Variants in EFCAB6 observed in about 807,000 individuals in gnomAD.
EFCAB6 encodes EF-hand calcium-binding domain-containing protein 6.
EFCAB6 carries 156 observed loss-of-function variants against 169.8 expected under a neutral mutation model. The observed-to-expected ratio is 0.92, with a 90% CI of 0.81 to 1.05. The LOEUF (loss-of-function observed/expected upper bound fraction) is 1.05, where lower values mean the gene tolerates loss of function less well. Among genes scored for constraint, EFCAB6 ranks in the 50% least tolerant of loss-of-function variants. The pLI is 0.00. For synonymous variants in EFCAB6, 698 were observed against 676.4 expected (o/e 1.03, Z -0.50); for missense variants, 1,800 against 1,829.1 (o/e 0.98, Z 0.29).
Position 43,615,938 on chromosome 22 carries a change from A to G in EFCAB6, c.2466-16T>C, listed in dbSNP as rs374666693. 6.3e-7 allele frequency: 1 copy of G among 1,599,438 alleles called. No individual in the cohort carries two copies. Among genetic ancestry groups the G allele is most frequent in the Non-Finnish European group, 8.5e-7 (1 of 1,171,866 alleles). ...CTGTTTTGGTCTTAAAAGAAAAAAA[A>G]TAATAAATAACTGTGTTTAAATTTA... On this transcript the variant is annotated splice_polypyrimidine_tract_variant and intron_variant, in intron 20 of 31. Coordinates refer to ENST00000262726, the MANE Select transcript of EFCAB6 (RefSeq NM_022785.4).
intron 22 of EFCAB6, among the ~76,000 whole-genome samples, chr22:43,602,618 G>C (rs7291305): frequency 0.043 from 6,616 of 152,134 alleles, 162 homozygotes; most frequent in African/African-American, 0.067. Flanking sequence ...TGCAACTCTG[G>C]TCAAGACGCC....
intron 2 of EFCAB6, among the ~76,000 whole-genome samples, chr22:43,805,617 A>G (rs1047045087): frequency 5.9e-5 from 9 of 152,212 alleles, no homozygotes; most frequent in African/African-American, 1.7e-4. Flanking sequence ...GATAGAAGAA[A>G]TAACACCTAG....
intron 23 of EFCAB6, among the ~76,000 whole-genome samples, chr22:43,594,242 T>C (rs113767352): frequency 3.9e-5 from 5 of 127,464 alleles, no homozygotes; most frequent in African/African-American, 1.6e-4. Flanking sequence ...ACCATTGCAC[T>C]CCAGCCTGGG....
At chr22:43,593,460 C>T (rs979705775) in intron 23 of EFCAB6, among the ~76,000 whole-genome samples, 2 of 152,200 alleles carry the variant, frequency 1.3e-5, no homozygotes, top group African/African-American at 4.8e-5. Flanking sequence ...GAAGAGAAGA[C>T]ACGAGTGGGT....
At chr22:43,703,817 G>T (rs1351983921) in intron 10 of EFCAB6, among the ~76,000 whole-genome samples, 1 of 151,458 alleles carries the variant, frequency 6.6e-6, no homozygotes, top group East Asian at 1.9e-4. Flanking sequence ...TCCAATCAGA[G>T]GAACAAAAGG....
rs1243866513 is a variant in EFCAB6 at position 43,628,141 on chromosome 22, C to A, written c.2233-1462G>T. 6.6e-6 allele frequency among the ~76,000 whole-genome samples: 1 copy of A among 152,052 alleles called. No homozygotes were observed. Among genetic ancestry groups the A allele is most frequent in the Non-Finnish European group, 1.5e-5 (1 of 68,000 alleles). On this transcript the variant is annotated intron_variant, in intron 19 of 31. Transcript: ENST00000262726. The surrounding 1 kb of genome is among the most constrained non-coding windows in gnomAD (Gnocchi z 4.8). The stretch of plus-strand genomic sequence containing the variant: ...TCTGGGGGCATTTTCTCTGGGATGT[C>A]AAACTGAACATGGCCCAAATCAAAC...
chr22:43,581,747 CCA>C (rs2050741561), intron 24 of EFCAB6, among the ~76,000 whole-genome samples: 1 of 152,164 alleles, frequency 6.6e-6, no homozygotes, highest in Admixed American at 6.5e-5. Flanking sequence ...AGAAGATGAG[CCA>C]AGAGCTGAGC....
rs2049985214 is a variant in EFCAB6 at position 43,572,940 on chromosome 22, T to A, written c.3420+3357A>T. 6.6e-6 allele frequency among the ~76,000 whole-genome samples: 1 copy of A among 152,192 alleles called. No individual in the cohort carries two copies. Among genetic ancestry groups the A allele is most frequent in the Non-Finnish European group, 1.5e-5 (1 of 68,040 alleles). On this transcript the variant is annotated intron_variant, in intron 26 of 31. Transcript: ENST00000262726. This position sits in a 1 kb window ranked among gnomAD's most constrained non-coding sequence, Gnocchi z 4.0. Reference sequence around the variant, plus strand: ...ACCCACACGATGGAATGGCACATGCTAGATGGAATCCATGCTTTAGAGGAA... The same window carrying A: ...ACCCACACGATGGAATGGCACATGCAAGATGGAATCCATGCTTTAGAGGAA...
rs760331835 is a variant in EFCAB6, at chr22:43,711,602, C to T, written c.904G>A (p.Val302Ile). The T allele has an allele frequency of 4.4e-6, 7 of 1,585,668 alleles. No individual in the cohort carries two copies. Among genetic ancestry groups the T allele is most frequent in the Non-Finnish European group, 6.0e-6 (7 of 1,173,102 alleles). The change falls in exon 10 of 32, where the codon GTT becomes ATT. Residue 302 changes from valine (V) to isoleucine (I), a missense_variant. Coordinates refer to ENST00000262726, the MANE Select transcript of EFCAB6 (RefSeq NM_022785.4). ...CLQLSKSYEKVEKALSAGDPC... is the reference protein window; with the variant it reads ...CLQLSKSYEKIEKALSAGDPC... ...TCCCCTGCACTGAGGGCCTTTTCAACCTTTTCATAAGACTTCGAAAGCTGC... is the reference window on the plus strand; with the variant it reads ...TCCCCTGCACTGAGGGCCTTTTCAATCTTTTCATAAGACTTCGAAAGCTGC...
intron 10 of EFCAB6, among the ~76,000 whole-genome samples, chr22:43,704,286 A>T (rs2058873598): frequency 6.6e-6 from 1 of 152,164 alleles, no homozygotes; most frequent in South Asian, 2.1e-4. Context: ...TTCAGAGATG[A>T]TTGAGAAATA....
intron 21 of EFCAB6, among the ~76,000 whole-genome samples, chr22:43,613,519 C>A (rs950360924): frequency 2.6e-5 from 4 of 151,972 alleles, no homozygotes; most frequent in African/African-American, 9.7e-5. Flanking sequence ...AACAGAAAAC[C>A]AAATTCTGCA....
Position 43,530,918 on chromosome 22 carries a change from CGCAGCA to C in EFCAB6, c.4274_4279del (p.Leu1425_Leu1426del). 1 of 1,614,196 alleles carries C rather than the reference CGCAGCA, an allele frequency of 6.2e-7. No individual in the cohort carries two copies. Among genetic ancestry groups the C allele is most frequent in the South Asian group, 1.1e-5 (1 of 91,082 alleles). ...GCAGTGCACAATTTTGGGCTGAATA[CGCAGCA>C]GAGCAGAGTAAAAAGATGGCGTCTC... On this transcript the variant is annotated inframe_deletion, in exon 31 of 32. Transcript: ENST00000262726.
intron 5 of EFCAB6, 96 bp downstream of exon 5, chr22:43,765,209 T>C: frequency 4.7e-6 from 4 of 852,244 alleles, no homozygotes; most frequent in South Asian, 1.5e-5. Flanking sequence ...CTTCCATATA[T>C]AGCTGTTGAT....
In EFCAB6 at chr22:43,787,352, G is replaced by GCACA. The variant is rs61585162; in HGVS notation, c.-7-5031_-7-5028dup. Reference sequence around the variant, plus strand: ...GGCAGACAGACAGATACACACATATGCACACACACACACACACACACACAC... The same window carrying GCACA: ...GGCAGACAGACAGATACACACATATGCACACACACACACACACACACACACACAC... On this transcript the variant is annotated intron_variant, in intron 2 of 31. Coordinates refer to ENST00000262726, the MANE Select transcript of EFCAB6 (RefSeq NM_022785.4). Among the ~76,000 whole-genome samples, 399 of 146,876 alleles carry GCACA rather than the reference G, an allele frequency of 2.7e-3. 3 individuals are homozygous for GCACA. The highest frequency in any genetic ancestry group is 0.021 in the Middle Eastern group (6 of 288).
At chr22:43,629,583 C>T (rs554114850) in intron 19 of EFCAB6, among the ~76,000 whole-genome samples, 9 of 152,208 alleles carry the variant, frequency 5.9e-5, no homozygotes, top group Admixed American at 2.0e-4. Context: ...AGAAATGGCT[C>T]GGGGCTCACT....
chr22:43,645,738 G>T (rs1320241400), intron 17 of EFCAB6, among the ~76,000 whole-genome samples: 3 of 152,094 alleles, frequency 2.0e-5, no homozygotes, highest in African/African-American at 7.2e-5. Context: ...GTATAAAATT[G>T]GACTGCATTT....
chr22:43,731,791 A>G lies in EFCAB6; in HGVS notation c.665T>C (p.Ile222Thr), dbSNP rs778883491. 9 of 1,580,876 alleles carry G rather than the reference A, an allele frequency of 5.7e-6. No homozygotes were observed. The highest frequency in any genetic ancestry group is 8.6e-7 in the Non-Finnish European group (1 of 1,168,394). The change falls in exon 8 of 32, where the codon ATC (isoleucine) becomes ACC (threonine). Residue 222 changes from isoleucine (I) to threonine (T), a missense_variant. Transcript: ENST00000262726. ...EYEKFSKHYNIHKDTAVDYNV... is the reference protein window; with the variant it reads ...EYEKFSKHYNTHKDTAVDYNV... ...GTAATCTACTGCAGTATCCTTGTGG[A>G]TGTTGTAGTGTTTCGAAAACCTAAA...
chr22:43,694,591 A>C (rs985762624), intron 10 of EFCAB6, among the ~76,000 whole-genome samples: 2 of 152,082 alleles, frequency 1.3e-5, no homozygotes, highest in African/African-American at 4.8e-5. Context: ...TAACATATGA[A>C]AAGTATAATA....
At chr22:43,592,716 G>A (rs888031236) in intron 23 of EFCAB6, among the ~76,000 whole-genome samples, 12 of 152,110 alleles carry the variant, frequency 7.9e-5, no homozygotes, top group African/African-American at 2.7e-4. Flanking sequence ...GCCAATGGAC[G>A]GCCACAGAGC....
Sources: gnomAD v4.1 joint callset for allele counts (sites outside exome capture counted in the v4.1 genomes callset) on GRCh38, gnomAD v4.1.1 for gene constraint, Gnocchi (gnomAD v3.1) non-coding constraint, MANE v1.5 for transcripts, NCBI Gene and HGNC (gene_info 2026-07-23, HGNC 2026-07-21) for gene names.